The following ZNF445 variants were observed in gnomAD, a reference collection of about 807,000 sequenced individuals.
The protein encoded by ZNF445 is zinc finger protein 168.
A neutral mutation model predicts 93.9 loss-of-function variants in ZNF445; 19 were observed. The ratio of observed to expected loss-of-function variants is 0.20; its 90% CI spans 0.14 to 0.30. ZNF445 has a LOEUF of 0.30. ZNF445 is among the 10% of genes least tolerant of loss of function. The pLI is 1.00. For synonymous variants in ZNF445, 449 were observed against 446.3 expected (o/e 1.01, Z -0.08); for missense variants, 1,058 against 1,259.4 (o/e 0.84, Z 2.42).
chr3:44,473,237 C>T (rs1185737611), intron 1 of ZNF445, among the ~76,000 whole-genome samples: 2 of 152,074 alleles, frequency 1.3e-5, no homozygotes, highest in African/African-American at 2.4e-5. Context: ...GCGAGATCAT[C>T]TGAGGTTGGG....
chr3:44,471,474 C>T (rs1385201146), intron 1 of ZNF445, among the ~76,000 whole-genome samples: 2 of 152,210 alleles, frequency 1.3e-5, no homozygotes, highest in Non-Finnish European at 2.9e-5. Context: ...AGATGAAGGT[C>T]ATATCCCCTG....
At position 44,447,223 on chromosome 3, in the gene ZNF445, T is replaced by C. The variant is rs775325217; in HGVS notation, c.2448A>G (p.Lys816=). 1 of 1,614,178 alleles carries C rather than the reference T, an allele frequency of 6.2e-7. No homozygotes were observed. The highest frequency in any genetic ancestry group is 1.1e-5 in the South Asian group (1 of 91,084). Residue 816 remains lysine, a synonymous_variant, in exon 8 of 8, where the codon AAA becomes AAG. Transcript: ENST00000396077. The surrounding 1 kb of genome is among the most constrained non-coding windows in gnomAD (Gnocchi z 4.7). ...TTTCACTTTCATGGCAATCATACTG[T>C]TTTTGAAGAGAGTGAATCCTCTGAT... ...YRHQRIHSLQ[K]QYDCHESEKT...
At chr3:44,458,753 T>C (rs1180130036) in intron 1 of ZNF445, among the ~76,000 whole-genome samples, 4 of 152,162 alleles carry the variant, frequency 2.6e-5, no homozygotes, top group African/African-American at 9.7e-5. Context: ...ACTAAAAATA[T>C]ATAGTCATCT....
At chr3:44,477,570 G>A (rs1217681534) in intron 1 of ZNF445, 21 bp downstream of exon 1, 2 of 127,250 alleles carry the variant, frequency 1.6e-5, no homozygotes, top group East Asian at 2.4e-4. Flanking sequence ...CCCCACCCCC[G>A]CGCCCCGCCA....
At chr3:44,453,483 T>C (rs1361897697) in intron 3 of ZNF445, among the ~76,000 whole-genome samples, 1 of 151,608 alleles carries the variant, frequency 6.6e-6, no homozygotes, top group Non-Finnish European at 1.5e-5. Flanking sequence ...TTAGTAGAAA[T>C]GGAGTTTCAC....
chr3:44,471,453 C>T (rs1231269145), intron 1 of ZNF445, among the ~76,000 whole-genome samples: 1 of 152,196 alleles, frequency 6.6e-6, no homozygotes, highest in East Asian at 1.9e-4. Flanking sequence ...CTACCCTGTG[C>T]ACAAAGTCAC....
chr3:44,451,741 A>G (rs1335495128), intron 3 of ZNF445, among the ~76,000 whole-genome samples: 3 of 152,146 alleles, frequency 2.0e-5, no homozygotes, highest in Non-Finnish European at 4.4e-5. Context: ...AAGGAAGCAC[A>G]TGGTAACTCA....
At chr3:44,476,709 A>G (rs1023695051) in intron 1 of ZNF445, among the ~76,000 whole-genome samples, 2 of 152,222 alleles carry the variant, frequency 1.3e-5, no homozygotes, top group African/African-American at 2.4e-5. Flanking sequence ...AGTGTGCTAC[A>G]ATCGCTGCAG....
chr3:44,469,985 T>C (rs1371118104), intron 1 of ZNF445, among the ~76,000 whole-genome samples: 3 of 152,126 alleles, frequency 2.0e-5, no homozygotes, highest in Non-Finnish European at 4.4e-5. Flanking sequence ...TGGAGTGCAG[T>C]AGCACGATCA....
At position 44,433,934 on chromosome 3, in the gene ZNF445, G is replaced by A. The variant is rs1394816804; in HGVS notation, c.*12641C>T. 2.0e-5 allele frequency: 3 copies of A among 152,208 alleles called. No homozygotes were observed. Among genetic ancestry groups the A allele is most frequent in the Non-Finnish European group, 4.4e-5 (3 of 68,076 alleles). The allele number at this position is 152,208 out of a possible 1,614,324, so 9.4% of individuals were successfully genotyped here. A position where few individuals can be genotyped will look rare whatever the true frequency, so the allele number is the denominator to read the frequency against. ...CTGGACTTTGGAAGGCAGCACTGAC[G>A]CCCCACTGAGGAAAGGAATGGCTGC... On this transcript the variant is annotated 3_prime_UTR_variant, in exon 8 of 8. Transcript: ENST00000396077.
At position 44,451,368 on chromosome 3, in the gene ZNF445, G is replaced by A; in HGVS notation, c.544C>T (p.His182Tyr). 1.2e-6 allele frequency: 2 copies of A among 1,614,164 alleles called. No homozygotes were observed. The highest frequency in any genetic ancestry group is 1.7e-6 in the Non-Finnish European group (2 of 1,180,018). Residue 182 changes from histidine (H) to tyrosine (Y), a missense_variant, in exon 4 of 8, where the codon CAC becomes TAC. This residue lies in a region of ZNF445 where 657 missense variants were observed against 746.4 expected (regional missense o/e 0.88). Transcript: ENST00000396077. ...PLRSSSALGD[H>Y]LEPPYEIEAR... The stretch of plus-strand genomic sequence containing the variant: ...TCTATTTCATAGGGAGGCTCCAGGT[G>A]GTCCCCCAGAGCAGAGCTGCTCCTG...
intron 1 of ZNF445, among the ~76,000 whole-genome samples, chr3:44,459,429 T>G (rs73829650): frequency 3.9e-5 from 6 of 152,210 alleles, no homozygotes; most frequent in African/African-American, 1.4e-4. Flanking sequence ...AATCTTTTCA[T>G]GATGACAATT....
At position 44,435,034 on chromosome 3, in the gene ZNF445, CA is replaced by C. The variant is rs1697648095; in HGVS notation, c.*11540del. 1 of 152,326 alleles carries C rather than the reference CA, an allele frequency of 6.6e-6. No homozygotes were observed. The highest frequency in any genetic ancestry group is 2.4e-5 in the African/African-American group (1 of 41,582). The allele number at this position is 152,326 out of a possible 1,614,324, so 9.4% of individuals were successfully genotyped here. A position where few individuals can be genotyped will look rare whatever the true frequency, so the allele number is the denominator to read the frequency against. ...CCAACCCTTCAACTGGGCCTGTACA[CA>C]TGCCCAAGAGGTGGCCTTTTGACAT... On this transcript the variant is annotated 3_prime_UTR_variant, in exon 8 of 8. Coordinates refer to ENST00000396077, the MANE Select transcript of ZNF445 (RefSeq NM_181489.6).
intron 1 of ZNF445, among the ~76,000 whole-genome samples, chr3:44,468,766 T>C (rs1323079469): frequency 2.0e-5 from 3 of 148,070 alleles, no homozygotes; most frequent in East Asian, 4.1e-4. Context: ...CCTGGCTCAC[T>C]GGCTTCCCCC....
At chr3:44,458,444 T>A (rs1284156477) in intron 1 of ZNF445, 80 bp from the exon 2 acceptor site, 1 of 151,988 alleles carries the variant, frequency 6.6e-6, no homozygotes, top group Non-Finnish European at 1.5e-5. Context: ...CCTGTGATAT[T>A]ATAATATATA....
Position 44,455,676 on chromosome 3 carries a change from T to C in ZNF445, c.-127A>G. 2.4e-6 allele frequency: 2 copies of C among 833,458 alleles called. No homozygotes were observed. Among genetic ancestry groups the C allele is most frequent in the South Asian group, 3.8e-5 (2 of 53,144 alleles). The allele number at this position is 833,458 out of a possible 1,614,324, so 51.6% of individuals were successfully genotyped here. A position where few individuals can be genotyped will look rare whatever the true frequency, so the allele number is the denominator to read the frequency against. The stretch of plus-strand genomic sequence containing the variant: ...TGGGACATCAGAAGTCATCAGCAAG[T>C]GACTGAAATTACCAGCATTTCTGTG... On this transcript the variant is annotated 5_prime_UTR_variant, in exon 3 of 8. Coordinates refer to ENST00000396077, the MANE Select transcript of ZNF445 (RefSeq NM_181489.6).
Position 44,434,073 on chromosome 3 carries a change from T to C in ZNF445, c.*12502A>G, listed in dbSNP as rs1454991892. ...GTGATTCAGAAAATCACATACAAAA[T>C]TGTCTCGTGTCCCTTTTAAACATAT... On this transcript the variant is annotated 3_prime_UTR_variant, in exon 8 of 8. Coordinates refer to ENST00000396077, the MANE Select transcript of ZNF445 (RefSeq NM_181489.6). The C allele has an allele frequency of 6.6e-6, 1 of 152,038 alleles. No individual in the cohort carries two copies. The highest frequency in any genetic ancestry group is 1.9e-4 in the East Asian group (1 of 5,186). 9.4% of individuals were successfully genotyped at this position (152,038 alleles called of 1,614,324 possible). A position where few individuals can be genotyped will look rare whatever the true frequency, so the allele number is the denominator to read the frequency against.
intron 4 of ZNF445, 87 bp from the exon 5 acceptor site, chr3:44,451,049 G>T: frequency 8.5e-7 from 1 of 1,179,324 alleles, no homozygotes; most frequent in Non-Finnish European, 1.2e-6. Context: ...AGGACTCCTG[G>T]ACCCATGAGC....
rs1364598884 is a variant in ZNF445 at position 44,473,468 on chromosome 3, CACACACACACACACACACACACAA to C, written c.-269+4099_-269+4122del. Among the ~76,000 whole-genome samples, 564 of 122,038 alleles carry C rather than the reference CACACACACACACACACACACACAA, an allele frequency of 4.6e-3. 4 individuals are homozygous for C. Among genetic ancestry groups the C allele is most frequent in the African/African-American group, 0.015 (552 of 37,232 alleles). The allele number at this position is 122,038 out of a possible 152,430, so 80.1% of individuals were successfully genotyped here. On this transcript the variant is annotated intron_variant, in intron 1 of 7. Transcript: ENST00000396077. ...AAACTCCACTTCACACACACACACACACACACACACACACACACACACAAAAAATGCTTTCAGTATATATTTAAA... is the reference window on the plus strand; with the variant it reads ...AAACTCCACTTCACACACACACACACAAAATGCTTTCAGTATATATTTAAA...
Sources: gnomAD v4.1 joint callset for allele counts (sites outside exome capture counted in the v4.1 genomes callset) on GRCh38, gnomAD v4.1.1 for gene constraint, gnomAD v4.1.1 regional missense constraint, Gnocchi (gnomAD v3.1) non-coding constraint, MANE v1.5 for transcripts, NCBI Gene and HGNC (gene_info 2026-07-23, HGNC 2026-07-21) for gene names.